GPR137C: variants seen among roughly 807,000 people sequenced by gnomAD.
GPR137C encodes the protein G protein-coupled receptor 137C.
GPR137C carries 27 observed loss-of-function variants against 43.4 expected under a neutral mutation model. That is an observed-to-expected ratio of 0.62 (90% CI 0.46 to 0.86). The LOEUF (loss-of-function observed/expected upper bound fraction) is 0.86, where lower values mean the gene tolerates loss of function less well. GPR137C is among the 40% of genes least tolerant of loss of function. The probability of loss-of-function intolerance (pLI) is 0.00; values close to 1 mark genes in which losing one functional copy is unlikely to be tolerated. For missense variants in GPR137C, 522 were observed against 534.6 expected, an observed-to-expected ratio of 0.98 and a Z score of 0.23; for synonymous variants, 285 against 226.9, an observed-to-expected ratio of 1.26 and a Z score of -2.30.
intron 2 of GPR137C, among the ~76,000 whole-genome samples, chr14:52,599,719 C>G (rs2038901178): frequency 6.6e-6 from 1 of 152,204 alleles, no homozygotes. Context: ...CAGGCATGAG[C>G]CGCCATGCCT....
intron 3 of GPR137C, among the ~76,000 whole-genome samples, chr14:52,626,847 GAAC>G (rs1231904494): frequency 1.3e-5 from 2 of 151,748 alleles, no homozygotes; most frequent in Non-Finnish European, 2.9e-5. Context: ...AAATTTAAAT[GAAC>G]AACACCATTT....
chr14:52,601,546 T>C (rs60864861), intron 3 of GPR137C, among the ~76,000 whole-genome samples: 2,365 of 151,148 alleles, frequency 0.016, 51 homozygotes, highest in African/African-American at 0.054. Flanking sequence ...ACAAAGAAAA[T>C]CAGACTTTCA....
intron 3 of GPR137C, among the ~76,000 whole-genome samples, chr14:52,616,808 G>A (rs2039105097): frequency 6.6e-6 from 1 of 152,106 alleles, no homozygotes; most frequent in South Asian, 2.1e-4. Flanking sequence ...TCCATTTTAT[G>A]CTCAGCCCAA....
At chr14:52,555,013 T>C (rs2038171072) in intron 1 of GPR137C, among the ~76,000 whole-genome samples, 1 of 152,014 alleles carries the variant, frequency 6.6e-6, no homozygotes, top group African/African-American at 2.4e-5. Context: ...TTGAGGGTGT[T>C]CTAATCTAGT....
At chr14:52,598,694 A>C (rs2139523487) in intron 2 of GPR137C, among the ~76,000 whole-genome samples, 1 of 152,336 alleles carries the variant, frequency 6.6e-6, no homozygotes, top group Non-Finnish European at 1.5e-5. Flanking sequence ...GATCAATCTC[A>C]ATAGCGAGAG....
chr14:52,578,429 A>G lies in GPR137C; in HGVS notation c.445-19843A>G, dbSNP rs1006851973. On this transcript the variant is annotated intron_variant, in intron 1 of 6. Coordinates refer to ENST00000321662, the MANE Select transcript of GPR137C (RefSeq NM_001099652.2). ...TGTCTTTTGACTTTTTAAAATTTCT[A>G]CTAGCATTTGTAATTCCCTTCCATA... Among the ~76,000 whole-genome samples, 4 of 152,050 alleles carry G rather than the reference A, an allele frequency of 2.6e-5. No individual in the cohort carries two copies. In the East Asian group the frequency reaches 7.7e-4, roughly 29 times the overall value.
chr14:52,628,039 T>A (rs1175637638), intron 3 of GPR137C, among the ~76,000 whole-genome samples: 2 of 152,174 alleles, frequency 1.3e-5, no homozygotes, highest in East Asian at 3.8e-4. Flanking sequence ...ATGTGGCTAG[T>A]GGCTATTGTG....
intron 3 of GPR137C, among the ~76,000 whole-genome samples, chr14:52,631,294 G>A (rs1348456266): frequency 6.6e-6 from 1 of 152,130 alleles, no homozygotes; most frequent in Non-Finnish European, 1.5e-5. Flanking sequence ...AAGTCATCTA[G>A]CATCCCTGGA....
chr14:52,626,237 G>A (rs1328599171), intron 3 of GPR137C, among the ~76,000 whole-genome samples: 2 of 152,116 alleles, frequency 1.3e-5, no homozygotes, highest in African/African-American at 4.8e-5. Flanking sequence ...CTGACAGATG[G>A]CTGTACATTA....
chr14:52,579,048 C>T (rs1376800942), intron 1 of GPR137C, among the ~76,000 whole-genome samples: 3 of 152,124 alleles, frequency 2.0e-5, no homozygotes, highest in African/African-American at 7.2e-5. Flanking sequence ...TACAGAACCC[C>T]CGTTGCTAGT....
intron 4 of GPR137C, among the ~76,000 whole-genome samples, chr14:52,632,702 T>G (rs1422713228): frequency 6.6e-6 from 1 of 152,100 alleles, no homozygotes; most frequent in Non-Finnish European, 1.5e-5. Context: ...GAACTACATA[T>G]ACTCTTAATA....
chr14:52,633,307 G>A (rs1233565989), intron 4 of GPR137C, among the ~76,000 whole-genome samples: 1 of 151,988 alleles, frequency 6.6e-6, no homozygotes, highest in African/African-American at 2.4e-5. Flanking sequence ...CTGATACATT[G>A]AAAAAATTAA....
chr14:52,590,089 T>C (rs1299197626), intron 1 of GPR137C, among the ~76,000 whole-genome samples: 2 of 152,130 alleles, frequency 1.3e-5, no homozygotes, highest in Non-Finnish European at 2.9e-5. Context: ...GTGCATGTTA[T>C]TGCATCTAAA....
At chr14:52,617,880 A>C (rs1301852604) in intron 3 of GPR137C, among the ~76,000 whole-genome samples, 1 of 152,168 alleles carries the variant, frequency 6.6e-6, no homozygotes, top group African/African-American at 2.4e-5. Context: ...CATACCTTAT[A>C]AGGTTGTTGT....
chr14:52,614,751 C>T (rs922312079), intron 3 of GPR137C, among the ~76,000 whole-genome samples: 1 of 152,100 alleles, frequency 6.6e-6, no homozygotes, highest in East Asian at 1.9e-4. Flanking sequence ...CCTCCCAAAG[C>T]ATTGGGATTA....
intron 3 of GPR137C, among the ~76,000 whole-genome samples, chr14:52,611,300 A>C (rs1414491713): frequency 1.3e-5 from 2 of 151,866 alleles, no homozygotes; most frequent in Non-Finnish European, 2.9e-5. Context: ...TATCTTTGGC[A>C]TGTGTGATTT....
In GPR137C at chr14:52,616,992, A is replaced by G. The variant is rs575814920; in HGVS notation, c.718-15168A>G. Among the ~76,000 whole-genome samples the G allele has an allele frequency of 3.0e-4, 45 of 152,360 alleles. 1 individual carries two copies. The South Asian group carries it at 6.2e-3, about 21-fold the overall frequency. ...TATAATGTTGTTGAGGATATTGTCT[A>G]TACAGTGTCTCCAGAAAAGATATTT... On this transcript the variant is annotated intron_variant, in intron 3 of 6. Transcript: ENST00000321662.
intron 1 of GPR137C, among the ~76,000 whole-genome samples, chr14:52,571,621 C>G (rs911613037): frequency 1.3e-5 from 2 of 152,132 alleles, no homozygotes; most frequent in South Asian, 2.1e-4. Context: ...TTGCAGTGAG[C>G]CAAGATTGCG....
chr14:52,576,060 A>G (rs1285805466), intron 1 of GPR137C, among the ~76,000 whole-genome samples: 2 of 152,206 alleles, frequency 1.3e-5, no homozygotes, highest in South Asian at 2.1e-4. Context: ...CCAGAAGTCA[A>G]ACTGATACTA....
Sources: allele counts gnomAD v4.1 joint callset (sites outside exome capture counted in the v4.1 genomes callset), GRCh38; gene constraint gnomAD v4.1.1; transcripts MANE v1.5; gene names NCBI Gene and HGNC (gene_info 2026-07-23, HGNC 2026-07-21).